The following RERE variants were observed in gnomAD, a reference collection of about 807,000 sequenced individuals.
The protein encoded by RERE is arginine-glutamic acid dipeptide repeats protein.
In RERE, 40 loss-of-function variants were observed where a neutral mutation model predicts 146.1. The observed-to-expected ratio is 0.27, with a 90% CI of 0.21 to 0.36. RERE has a LOEUF of 0.36. Among genes scored for constraint, RERE ranks in the 10% least tolerant of loss-of-function variants. The probability of loss-of-function intolerance (pLI) is 1.00; values close to 1 mark genes in which losing one functional copy is unlikely to be tolerated. For synonymous variants in RERE, 1,003 were observed against 866.0 expected, an observed-to-expected ratio of 1.16 and a Z score of -2.78; for missense variants, 1,933 against 2,138.7, an observed-to-expected ratio of 0.90 and a Z score of 1.90.
At chr1:8,761,154 T>C (rs889175844) in intron 1 of RERE, among the ~76,000 whole-genome samples, 3 of 152,070 alleles carry the variant, frequency 2.0e-5, no homozygotes, top group African/African-American at 7.2e-5. Flanking sequence ...CAAAGAGAAA[T>C]AAAAACTCAA....
At chr1:8,468,956 G>T (rs1644643183) in intron 10 of RERE, among the ~76,000 whole-genome samples, 1 of 152,028 alleles carries the variant, frequency 6.6e-6, no homozygotes, top group East Asian at 1.9e-4. Context: ...AAAAACTATG[G>T]ACTTTGGAGT....
chr1:8,485,925 G>A (rs749235775), intron 10 of RERE, among the ~76,000 whole-genome samples: 2 of 150,964 alleles, frequency 1.3e-5, no homozygotes, highest in Non-Finnish European at 2.9e-5. Flanking sequence ...CAGGCTCCCT[G>A]AGTAGCTGGG....
chr1:8,511,047 C>G (rs1212501871), intron 7 of RERE, among the ~76,000 whole-genome samples: 1 of 152,130 alleles, frequency 6.6e-6, no homozygotes, highest in Non-Finnish European at 1.5e-5. Flanking sequence ...AGCCACCGCA[C>G]TCACCGCCCA....
rs1162160182 is a variant in RERE at position 8,361,476 on chromosome 1, G to C, written c.2031C>G (p.Pro677=). ...KKTKTQEISR[P]NSPSEGEGES... is the part of the protein sequence containing the mutation. Reference sequence around the variant, plus strand: ...CTCCCTCACCTTCAGATGGCGAGTTGGGCCTGCTGATCTCCTGGAGTCAGA... The same window carrying C: ...CTCCCTCACCTTCAGATGGCGAGTTCGGCCTGCTGATCTCCTGGAGTCAGA... Residue 677 remains proline, a synonymous_variant, in exon 18 of 23, where the codon CCC becomes CCG. Coordinates refer to ENST00000400908, the MANE Select transcript of RERE (RefSeq NM_001042681.2). 1 of 1,611,582 alleles carries C rather than the reference G, an allele frequency of 6.2e-7. No homozygotes were observed. The highest frequency in any genetic ancestry group is 8.5e-7 in the Non-Finnish European group (1 of 1,179,966).
At chr1:8,444,537 C>A (rs77968907) in intron 11 of RERE, among the ~76,000 whole-genome samples, 3 of 152,076 alleles carry the variant, frequency 2.0e-5, no homozygotes, top group African/African-American at 7.2e-5. Flanking sequence ...ATGTGGTTTG[C>A]GGGAAGCCAG....
intron 10 of RERE, among the ~76,000 whole-genome samples, chr1:8,486,090 G>A (rs775180911): frequency 1.3e-5 from 2 of 152,038 alleles, no homozygotes; most frequent in African/African-American, 2.4e-5. Flanking sequence ...AAGCCACCGC[G>A]CCTGGCCTAC....
chr1:8,482,706 A>G (rs1304733242), intron 10 of RERE, among the ~76,000 whole-genome samples: 2 of 149,972 alleles, frequency 1.3e-5, no homozygotes, highest in African/African-American at 4.9e-5. Flanking sequence ...AAAAAAAAAA[A>G]AGACAAAAAT....
At chr1:8,398,285 T>C (rs1459165120) in intron 12 of RERE, among the ~76,000 whole-genome samples, 1 of 152,236 alleles carries the variant, frequency 6.6e-6, no homozygotes, top group African/African-American at 2.4e-5. Context: ...TTGGAGAAGC[T>C]GATTTGGACC....
At chr1:8,387,417 T>C (rs1557604147) in intron 12 of RERE, among the ~76,000 whole-genome samples, 1 of 152,142 alleles carries the variant, frequency 6.6e-6, no homozygotes, top group African/African-American at 2.4e-5. Flanking sequence ...GAGAGATTTC[T>C]AACAAATAAA....
intron 12 of RERE, among the ~76,000 whole-genome samples, chr1:8,403,433 CTTTTTTT>C (rs70990565): frequency 7.3e-6 from 1 of 137,300 alleles, no homozygotes; most frequent in African/African-American, 2.7e-5. Flanking sequence ...TTCATATTTT[CTTTTTTT>C]TTTTTTTTCC....
intron 1 of RERE, among the ~76,000 whole-genome samples, chr1:8,688,575 TA>T (rs1570610574): frequency 6.6e-6 from 1 of 150,926 alleles, no homozygotes; most frequent in Non-Finnish European, 1.5e-5. Flanking sequence ...AAAAAAAAAT[TA>T]AAATTAAAAT....
intron 2 of RERE, among the ~76,000 whole-genome samples, chr1:8,643,456 T>TA (rs530968381): frequency 4.3e-4 from 66 of 152,302 alleles, no homozygotes; most frequent in African/African-American, 1.5e-3. Context: ...GAAGACCACA[T>TA]ATTCAGCAAA....
chr1:8,806,209 A>G (rs895310244), intron 1 of RERE, among the ~76,000 whole-genome samples: 1 of 152,062 alleles, frequency 6.6e-6, no homozygotes, highest in East Asian at 1.9e-4. Flanking sequence ...TTTCTACACT[A>G]TATTTGAGGT....
chr1:8,650,651 C>T (rs1280792190), intron 2 of RERE, among the ~76,000 whole-genome samples: 1 of 152,086 alleles, frequency 6.6e-6, no homozygotes, highest in Admixed American at 6.5e-5. Context: ...GTAATCCCAG[C>T]ACTTTAGGAG....
At chr1:8,495,196 A>G (rs774777205) in intron 9 of RERE, 34 bp from the exon 10 acceptor site, 3 of 1,454,536 alleles carry the variant, frequency 2.1e-6, no homozygotes, top group South Asian at 1.1e-5. Context: ...TTATTAGTAC[A>G]TAGTAATATC....
intron 12 of RERE, chr1:8,380,750 G>A (rs1222886828): frequency 2.3e-6 from 1 of 430,796 alleles, no homozygotes; most frequent in South Asian, 1.6e-5. Flanking sequence ...CAGAAAGGTA[G>A]AGATTTCTCT....
At chr1:8,462,803 C>A (rs1045814810) in intron 11 of RERE, among the ~76,000 whole-genome samples, 1 of 152,132 alleles carries the variant, frequency 6.6e-6, no homozygotes, top group Admixed American at 6.6e-5. Context: ...TGCTCAGAGG[C>A]TGATGTGGGA....
At chr1:8,416,320 T>C (rs550723284) in intron 12 of RERE, among the ~76,000 whole-genome samples, 2 of 152,118 alleles carry the variant, frequency 1.3e-5, no homozygotes, top group African/African-American at 2.4e-5. Context: ...GCGCGGTGGC[T>C]CACACCTGTA....
chr1:8,420,019 C>G (rs1643881138), intron 12 of RERE, among the ~76,000 whole-genome samples: 1 of 152,192 alleles, frequency 6.6e-6, no homozygotes, highest in Non-Finnish European at 1.5e-5. Flanking sequence ...TCATCAAGTA[C>G]TATAGTTACC....
Sources: gnomAD v4.1 joint callset for allele counts (sites outside exome capture counted in the v4.1 genomes callset) on GRCh38, gnomAD v4.1.1 for gene constraint, MANE v1.5 for transcripts, NCBI Gene and HGNC (gene_info 2026-07-23, HGNC 2026-07-21) for gene names.